Variants in PCDH17 observed in about 807,000 individuals in gnomAD.
The protein encoded by PCDH17 is protocadherin-17.
In PCDH17, 21 loss-of-function variants were observed where a neutral mutation model predicts 67.7. The observed-to-expected ratio is 0.31, with a 90% CI of 0.22 to 0.45. The LOEUF is 0.45. Ranked by LOEUF, PCDH17 falls within the 20% of genes least tolerant of loss-of-function variation. The pLI is 1.00. For missense variants in PCDH17, 1,471 were observed against 1,564.8 expected (o/e 0.94, Z 1.01); for synonymous variants, 701 against 656.7 (o/e 1.07, Z -1.03).
At chr13:57,668,516 G>C (rs1354871333) in intron 3 of PCDH17, among the ~76,000 whole-genome samples, 1 of 151,974 alleles carries the variant, frequency 6.6e-6, no homozygotes, top group Non-Finnish European at 1.5e-5. Context: ...TGACAGAAGT[G>C]AATTTTATGT....
At chr13:57,707,060 C>T (rs559636744) in intron 3 of PCDH17, among the ~76,000 whole-genome samples, 24 of 151,978 alleles carry the variant, frequency 1.6e-4, no homozygotes, top group Non-Finnish European at 3.2e-4. Context: ...AGTACTTTTG[C>T]ACCTAGCTAA....
intron 3 of PCDH17, among the ~76,000 whole-genome samples, chr13:57,698,138 T>G (rs1046385582): frequency 2.6e-5 from 4 of 151,454 alleles, no homozygotes; most frequent in African/African-American, 9.7e-5. Flanking sequence ...TATTTTGTGG[T>G]GCCTAGAATT....
intron 3 of PCDH17, among the ~76,000 whole-genome samples, chr13:57,708,681 G>A (rs1322281413): frequency 2.0e-5 from 3 of 151,950 alleles, no homozygotes; most frequent in African/African-American, 7.2e-5. Context: ...TGAGCTGCCT[G>A]TTATTAATTG....
intron 3 of PCDH17, among the ~76,000 whole-genome samples, chr13:57,690,417 T>G (rs554396995): frequency 1.3e-5 from 2 of 151,824 alleles, no homozygotes; most frequent in Admixed American, 1.3e-4. Context: ...ATCATCTTAC[T>G]GTAATAAAGA....
chr13:57,691,452 AATC>A (rs1955557770), intron 3 of PCDH17, among the ~76,000 whole-genome samples: 1 of 151,256 alleles, frequency 6.6e-6, no homozygotes, highest in Non-Finnish European at 1.5e-5. Flanking sequence ...GATAAAAACT[AATC>A]ATGGAGGAGA....
At chr13:57,641,587 AATATATATAT>A (rs1166347188) in intron 1 of PCDH17, among the ~76,000 whole-genome samples, 69 of 20,546 alleles carry the variant, frequency 3.4e-3, no homozygotes, top group African/African-American at 9.6e-3. Flanking sequence ...AAAAAAAAAA[AATATATATAT>A]ATATATATAT....
At chr13:57,644,926 G>A (rs1954947626) in intron 1 of PCDH17, among the ~76,000 whole-genome samples, 1 of 151,606 alleles carries the variant, frequency 6.6e-6, no homozygotes, top group South Asian at 2.1e-4. Context: ...AGCCTAGGAG[G>A]TAATAAGAAA....
intron 3 of PCDH17, among the ~76,000 whole-genome samples, chr13:57,685,807 C>T (rs1049981498): frequency 6.6e-6 from 1 of 151,844 alleles, no homozygotes; most frequent in African/African-American, 2.4e-5. Flanking sequence ...GAATTTAGGC[C>T]AGGAACAGTG....
rs187426930 is a variant in PCDH17 at position 57,657,642 on chromosome 13, T to C, written c.2566-8826T>C. 2.0e-5 allele frequency among the ~76,000 whole-genome samples: 3 copies of C among 152,334 alleles called. No individual in the cohort carries two copies. In the East Asian group the frequency reaches 5.8e-4, roughly 29 times the overall value. ...GTTCAGTCTACTGCAAACAGAATGC[T>C]TGTTATCAATGTGAAAAGCAGTGGC... On this transcript the variant is annotated intron_variant, in intron 1 of 3. Coordinates refer to ENST00000377918, the MANE Select transcript of PCDH17 (RefSeq NM_001040429.3).
At chr13:57,669,089 T>C (rs1277170354) in intron 3 of PCDH17, among the ~76,000 whole-genome samples, 1 of 151,414 alleles carries the variant, frequency 6.6e-6, no homozygotes, top group East Asian at 2.0e-4. Flanking sequence ...GAACATGCGG[T>C]GTTTGGTTTT....
chr13:57,687,769 C>G (rs1290064397), intron 3 of PCDH17, among the ~76,000 whole-genome samples: 2 of 152,024 alleles, frequency 1.3e-5, no homozygotes, highest in Non-Finnish European at 2.9e-5. Flanking sequence ...TTTGTCCACA[C>G]AAAAGGATGA....
At chr13:57,639,229 C>T (rs1448278959) in intron 1 of PCDH17, among the ~76,000 whole-genome samples, 1 of 151,642 alleles carries the variant, frequency 6.6e-6, no homozygotes, top group East Asian at 1.9e-4. Context: ...TGAGAGTACA[C>T]AATAATTACA....
chr13:57,686,090 G>A (rs535327794), intron 3 of PCDH17, among the ~76,000 whole-genome samples: 5 of 147,188 alleles, frequency 3.4e-5, no homozygotes, highest in Admixed American at 6.8e-5. Context: ...TCTCATCTCT[G>A]AAAAAAAAAA....
chr13:57,691,504 G>A (rs1310443486), intron 3 of PCDH17, among the ~76,000 whole-genome samples: 2 of 150,906 alleles, frequency 1.3e-5, no homozygotes, highest in African/African-American at 4.8e-5. Flanking sequence ...TGAAAAGTGG[G>A]GAGTAAACCA....
In PCDH17 at chr13:57,675,807, C is replaced by T. The variant is rs181306752; in HGVS notation, c.2797+8974C>T. ...TAGGGGTGCTCAGGAGGTAACATTG[C>T]AAACTTGCATTTTAAAGAGATGATG... On this transcript the variant is annotated intron_variant, in intron 3 of 3. Transcript: ENST00000377918. Among the ~76,000 whole-genome samples, 12 of 151,924 alleles carry T rather than the reference C, an allele frequency of 7.9e-5. No homozygotes were observed. The East Asian group carries it at 1.2e-3, about 15-fold the overall frequency.
intron 3 of PCDH17, among the ~76,000 whole-genome samples, chr13:57,704,563 CCAAAAAAAAAAAA>C (rs1411160953): frequency 6.7e-6 from 1 of 148,966 alleles, no homozygotes; most frequent in Middle Eastern, 3.2e-3. Flanking sequence ...AAATCTCTAT[CCAAAAAAAAAAAA>C]CAAAAAAACT....
intron 3 of PCDH17, among the ~76,000 whole-genome samples, chr13:57,675,257 G>C (rs1318043377): frequency 6.6e-6 from 1 of 151,958 alleles, no homozygotes; most frequent in Non-Finnish European, 1.5e-5. Context: ...TATTTTGTCA[G>C]TCTGTGCACA....
chr13:57,724,517 G>A, intron 3 of PCDH17, 95 bp from the exon 4 acceptor site: 1 of 954,288 alleles, frequency 1.0e-6, no homozygotes, highest in South Asian at 1.7e-5. Context: ...GAGACCAGAG[G>A]TCAAGCAAGC....
chr13:57,706,155 C>A (rs1278109544), intron 3 of PCDH17, among the ~76,000 whole-genome samples: 1 of 151,900 alleles, frequency 6.6e-6, no homozygotes, highest in Non-Finnish European at 1.5e-5. Flanking sequence ...AATTTGTAGA[C>A]ATTTTAAGAA....
Sources: allele counts gnomAD v4.1 joint callset (sites outside exome capture counted in the v4.1 genomes callset), GRCh38; gene constraint gnomAD v4.1.1; transcripts MANE v1.5; gene names NCBI Gene and HGNC (gene_info 2026-07-23, HGNC 2026-07-21).